LRRC7: variants seen among roughly 807,000 people sequenced by gnomAD.
LRRC7 encodes leucine rich repeat containing 7.
A neutral mutation model predicts 175.7 loss-of-function variants in LRRC7; 23 were observed. The observed-to-expected ratio is 0.13, with a 90% CI of 0.09 to 0.19. The LOEUF is 0.19. Ranked by LOEUF, LRRC7 falls within the 10% of genes least tolerant of loss-of-function variation. LRRC7 has a pLI of 1.00. For synonymous variants in LRRC7, 685 were observed against 680.9 expected (o/e 1.01, Z -0.09); for missense variants, 1,354 against 1,904.7 (o/e 0.71, Z 5.38).
Position 70,137,969 on chromosome 1 carries a change from CAA to C in LRRC7, c.*16084_*16085del. On this transcript the variant is annotated 3_prime_UTR_variant, in exon 27 of 27. Transcript: ENST00000651989. ...TTTGCTTGCTCTTTGAGGTTAAAAT[CAA>C]AGATTTTTCACTCAGGATTAGCCTA... The C allele has an allele frequency of 1.3e-5, 2 of 152,172 alleles. No homozygotes were observed. Among genetic ancestry groups the C allele is most frequent in the South Asian group, 4.1e-4 (2 of 4,824 alleles). 9.4% of individuals were successfully genotyped at this position (152,172 alleles called of 1,614,324 possible). A position where few individuals can be genotyped will look rare whatever the true frequency, so the allele number is the denominator to read the frequency against.
At chr1:70,029,506 T>G (rs990947292) in intron 18 of LRRC7, among the ~76,000 whole-genome samples, 7 of 152,112 alleles carry the variant, frequency 4.6e-5, no homozygotes, top group Non-Finnish European at 7.4e-5. Flanking sequence ...GAAAAAAAAT[T>G]AGCATTCATT....
intron 22 of LRRC7, among the ~76,000 whole-genome samples, chr1:70,048,083 G>T (rs1660473825): frequency 6.6e-6 from 1 of 151,944 alleles, no homozygotes; most frequent in Non-Finnish European, 1.5e-5. Context: ...GTGCTTCTTT[G>T]GATGTGTTTT....
chr1:69,789,573 T>C (rs942286625), intron 3 of LRRC7, among the ~76,000 whole-genome samples: 3 of 152,148 alleles, frequency 2.0e-5, no homozygotes, highest in Non-Finnish European at 4.4e-5. Context: ...GTTCACTGTT[T>C]TATATTTGAA....
rs1372046004 is a variant in LRRC7, at chr1:70,133,542, A to G, written c.*11655A>G. On this transcript the variant is annotated 3_prime_UTR_variant, in exon 27 of 27. Transcript: ENST00000651989. ...GCCCCTTGTGCTGATACAATTGCTA[A>G]CAACACCCCTTTCCTTTCTCCTTTG... is the stretch of plus-strand genomic sequence containing the variant. Among the ~76,000 whole-genome samples the G allele has an allele frequency of 6.6e-6, 1 of 152,078 alleles. No individual in the cohort carries two copies. The highest frequency in any genetic ancestry group is 1.9e-4 in the East Asian group (1 of 5,196).
intron 1 of LRRC7, among the ~76,000 whole-genome samples, chr1:69,600,072 TA>T (rs1219078309): frequency 6.6e-6 from 1 of 152,126 alleles, no homozygotes; most frequent in African/African-American, 2.4e-5. Context: ...AAACAATTCT[TA>T]AAAAAATTTA....
chr1:69,767,769 T>C (rs933228079), intron 3 of LRRC7, among the ~76,000 whole-genome samples: 5 of 152,154 alleles, frequency 3.3e-5, no homozygotes, highest in East Asian at 1.9e-4. Flanking sequence ...GCCAATCCAG[T>C]ATTTTGTTTT....
At chr1:69,801,909 G>A (rs1261294215) in intron 4 of LRRC7, among the ~76,000 whole-genome samples, 1 of 149,456 alleles carries the variant, frequency 6.7e-6, no homozygotes, top group Non-Finnish European at 1.5e-5. Flanking sequence ...GTTTTGGTAG[G>A]TTGTGTCTCC....
At chr1:69,979,132 G>A (rs1653148787) in intron 8 of LRRC7, among the ~76,000 whole-genome samples, 1 of 152,140 alleles carries the variant, frequency 6.6e-6, no homozygotes, top group South Asian at 2.1e-4. Context: ...AAGATTCACT[G>A]CTTTGTATGT....
chr1:69,991,481 A>G (rs191789833), intron 10 of LRRC7, among the ~76,000 whole-genome samples: 1 of 152,284 alleles, frequency 6.6e-6, no homozygotes, highest in East Asian at 1.9e-4. Context: ...ATACATCTGC[A>G]GAGTTGCCAC....
chr1:70,039,081 T>C lies in LRRC7; in HGVS notation c.3257T>C (p.Ile1086Thr). The C allele has an allele frequency of 6.2e-7, 1 of 1,614,072 alleles. No homozygotes were observed. The highest frequency in any genetic ancestry group is 8.5e-7 in the Non-Finnish European group (1 of 1,179,982). ...GTGGAAGTGAAAGCCGAAAAGAGGATACCACCCCCTTTTCAACACAATCCC... is the reference window on the plus strand; with the variant it reads ...GTGGAAGTGAAAGCCGAAAAGAGGACACCACCCCCTTTTCAACACAATCCC... ...GSVEVKAEKRIPPPFQHNPEY... is the reference protein window; with the variant it reads ...GSVEVKAEKRTPPPFQHNPEY... Residue 1086 changes from isoleucine to threonine, a missense_variant, in exon 21 of 27, where the codon ATA (isoleucine) becomes ACA (threonine). By Grantham distance (89) the Ile-to-Thr change is moderately conservative. Around this residue, in one of 4 missense-constraint regions of LRRC7, gnomAD observed 1,032 missense variants for 1,227.2 expected, o/e 0.84. Coordinates refer to ENST00000651989, the MANE Select transcript of LRRC7 (RefSeq NM_001370785.2).
Position 70,036,124 on chromosome 1 carries a change from T to A in LRRC7, c.1999T>A (p.Ser667Thr). The A allele has an allele frequency of 6.2e-7, 1 of 1,607,974 alleles. No homozygotes were observed. The highest frequency in any genetic ancestry group is 8.5e-7 in the Non-Finnish European group (1 of 1,177,100). ...VAPKEITVED[S>T]FVHPANEMRI... is the part of the protein sequence containing the mutation. ...CCTGTATTATTATATCTCTCAGGAT[T>A]CTTTTGTTCATCCAGCTAATGAAAT... The change falls in exon 19 of 27, where the codon TCT (serine) becomes ACT (threonine). Residue 667 changes from serine to threonine, a missense_variant. Physicochemically the swap from Ser to Thr is moderately conservative, Grantham distance 58. Around this residue, in one of 4 missense-constraint regions of LRRC7, gnomAD observed 1,032 missense variants for 1,227.2 expected, o/e 0.84. Coordinates refer to ENST00000651989, the MANE Select transcript of LRRC7 (RefSeq NM_001370785.2).
intron 25 of LRRC7, among the ~76,000 whole-genome samples, chr1:70,096,100 C>T (rs1463833889): frequency 6.6e-6 from 1 of 152,058 alleles, no homozygotes; most frequent in Non-Finnish European, 1.5e-5. Context: ...GCCTCCGCCT[C>T]CCGAGTAGCT....
chr1:69,648,289 C>T (rs545437872), intron 1 of LRRC7, among the ~76,000 whole-genome samples: 35 of 151,894 alleles, frequency 2.3e-4, no homozygotes, highest in African/African-American at 7.5e-4. Flanking sequence ...AAATAATACT[C>T]GAGGTGTTAT....
chr1:69,599,587 A>G (rs1043400337), intron 1 of LRRC7, among the ~76,000 whole-genome samples: 6 of 152,218 alleles, frequency 3.9e-5, no homozygotes, highest in African/African-American at 1.4e-4. Context: ...ACAAATTAGA[A>G]GCAACATACT....
intron 26 of LRRC7, among the ~76,000 whole-genome samples, chr1:70,117,053 C>G (rs1302758568): frequency 6.6e-6 from 1 of 152,132 alleles, no homozygotes; most frequent in Non-Finnish European, 1.5e-5. Context: ...TAATATTTCT[C>G]TAACATACAA....
Position 69,675,456 on chromosome 1 carries a change from A to T in LRRC7, c.3-2925A>T, listed in dbSNP as rs118164599. Among the ~76,000 whole-genome samples, 253 of 152,288 alleles carry T rather than the reference A, an allele frequency of 1.7e-3. 10 individuals are homozygous for T. In the East Asian group the frequency reaches 0.045, roughly 27 times the overall value. ...AGTTTTCATGTATTCCCCAACCAAC[A>T]TAACTTGTCATTCCCCATCAGAGTG... On this transcript the variant is annotated intron_variant, in intron 1 of 26. Coordinates refer to ENST00000651989, the MANE Select transcript of LRRC7 (RefSeq NM_001370785.2).
At chr1:70,061,497 T>G (rs1172678569) in intron 23 of LRRC7, among the ~76,000 whole-genome samples, 1 of 152,146 alleles carries the variant, frequency 6.6e-6, no homozygotes, top group Non-Finnish European at 1.5e-5. Context: ...AGCAGCCAAA[T>G]GCATTCACTG....
chr1:70,054,982 A>C (rs1330231647), intron 23 of LRRC7, among the ~76,000 whole-genome samples: 1 of 152,152 alleles, frequency 6.6e-6, no homozygotes. Context: ...TTGTTACTTA[A>C]GTGATTTTTC....
At chr1:70,057,549 C>A (rs758511870) in intron 23 of LRRC7, among the ~76,000 whole-genome samples, 1 of 151,502 alleles carries the variant, frequency 6.6e-6, no homozygotes, top group Non-Finnish European at 1.5e-5. Flanking sequence ...GTGAAGAATT[C>A]TTAGCCAGTG....
Sources: allele counts gnomAD v4.1 joint callset (sites outside exome capture counted in the v4.1 genomes callset), GRCh38; gene constraint gnomAD v4.1.1; regional missense constraint gnomAD v4.1.1; transcripts MANE v1.5; gene names NCBI Gene and HGNC (gene_info 2026-07-23, HGNC 2026-07-21).